Variants in FNDC3B observed in about 807,000 individuals in gnomAD.
The protein encoded by FNDC3B is fibronectin type III domain containing 3B, also known as fibronectin type III domain-containing protein 3B.
Under a neutral mutation model 151.5 loss-of-function variants are expected in FNDC3B, and 12 were observed. The observed-to-expected ratio is 0.08, with a 90% CI of 0.05 to 0.13. The LOEUF (loss-of-function observed/expected upper bound fraction) is 0.13, where lower values mean the gene tolerates loss of function less well. FNDC3B is among the 10% of genes least tolerant of loss of function. The pLI is 1.00. For synonymous variants in FNDC3B, 528 were observed against 549.0 expected (o/e 0.96, Z 0.54); for missense variants, 1,214 against 1,505.3 (o/e 0.81, Z 3.20).
chr3:172,386,755 A>T (rs1328191188), intron 25 of FNDC3B, among the ~76,000 whole-genome samples: 1 of 148,992 alleles, frequency 6.7e-6, no homozygotes, highest in Non-Finnish European at 1.5e-5. Flanking sequence ...AAAGAAAAAA[A>T]AAAGAAAAAA....
intron 9 of FNDC3B, among the ~76,000 whole-genome samples, chr3:172,305,945 T>TG (rs1316484458): frequency 6.6e-6 from 1 of 152,248 alleles, no homozygotes. Context: ...CATCAGGGGT[T>TG]GGGTGGAGAG....
intron 3 of FNDC3B, among the ~76,000 whole-genome samples, chr3:172,202,853 C>A (rs1725227711): frequency 6.6e-6 from 1 of 152,244 alleles, no homozygotes; most frequent in South Asian, 2.1e-4. Flanking sequence ...ATTACTTGAG[C>A]CTTTTTAATA....
At chr3:172,079,913 G>A (rs765395767) in intron 1 of FNDC3B, among the ~76,000 whole-genome samples, 6 of 151,928 alleles carry the variant, frequency 3.9e-5, no homozygotes, top group Non-Finnish European at 7.4e-5. Context: ...ATGAGGCTGC[G>A]TAACATCTCA....
At chr3:172,203,448 G>A (rs1368822597) in intron 3 of FNDC3B, among the ~76,000 whole-genome samples, 1 of 152,140 alleles carries the variant, frequency 6.6e-6, no homozygotes, top group African/African-American at 2.4e-5. Context: ...TGAAATTTTG[G>A]TATAACAGAA....
intron 3 of FNDC3B, among the ~76,000 whole-genome samples, chr3:172,175,339 CT>C (rs369130031): frequency 2.2e-3 from 329 of 152,140 alleles, no homozygotes; most frequent in African/African-American, 7.4e-3. Flanking sequence ...CTTTTAAGTG[CT>C]TTTTTTCCTC....
At chr3:172,349,789 G>A (rs532301106) in intron 21 of FNDC3B, among the ~76,000 whole-genome samples, 84 of 152,088 alleles carry the variant, frequency 5.5e-4, no homozygotes, top group African/African-American at 2.0e-3. Flanking sequence ...CCGAGTAGCC[G>A]GGATTACAGG....
Position 172,145,906 on chromosome 3 carries a change from C to T in FNDC3B, c.187+12360C>T, listed in dbSNP as rs189711865. 1.0e-3 allele frequency among the ~76,000 whole-genome samples: 152 copies of T among 149,130 alleles called. 1 individual carries two copies. Among genetic ancestry groups the T allele is most frequent in the Admixed American group, 3.2e-3 (48 of 14,996 alleles). ...TCGGCTCACTGCAACCTCCGCCACC[C>T]GGGTTTAAGCGATTCTCCTGCCTCA... On this transcript the variant is annotated intron_variant, in intron 3 of 25. Transcript: ENST00000415807.
chr3:172,209,124 G>A (rs1725588250), intron 3 of FNDC3B, among the ~76,000 whole-genome samples: 1 of 152,072 alleles, frequency 6.6e-6, no homozygotes, highest in Non-Finnish European at 1.5e-5. Flanking sequence ...GCAGTGAGCG[G>A]GGGTGGGGGT....
At chr3:172,120,684 G>C (rs1720496354) in intron 2 of FNDC3B, among the ~76,000 whole-genome samples, 1 of 151,984 alleles carries the variant, frequency 6.6e-6, no homozygotes, top group African/African-American at 2.4e-5. Flanking sequence ...GGATTTTTCT[G>C]TTTAATTGGA....
intron 2 of FNDC3B, among the ~76,000 whole-genome samples, chr3:172,126,070 C>A (rs1298913318): frequency 6.6e-6 from 1 of 152,082 alleles, no homozygotes; most frequent in Non-Finnish European, 1.5e-5. Context: ...TGAGTTAGTT[C>A]ATTTACCACC....
chr3:172,340,546 A>T (rs1733250847), intron 16 of FNDC3B, among the ~76,000 whole-genome samples: 1 of 152,146 alleles, frequency 6.6e-6, no homozygotes, highest in African/African-American at 2.4e-5. Context: ...TCGGCCTCCT[A>T]AAGTGCTGGG....
At chr3:172,061,585 C>T (rs929313980) in intron 1 of FNDC3B, among the ~76,000 whole-genome samples, 5 of 152,086 alleles carry the variant, frequency 3.3e-5, no homozygotes, top group South Asian at 2.1e-4. Flanking sequence ...CTTTGCAAGC[C>T]GTTTTGAAGC....
chr3:172,247,551 G>A lies in FNDC3B; in HGVS notation c.283G>A (p.Gly95Arg). ...TCTTTAGGTGATTGAAGATAGTACT[G>A]GAGTCCGCCGGGTGGTGGTCACACC... ...YISQVIEDST[G>R]VRRVVVTPQS... Residue 95 changes from glycine (G) to arginine (R), a missense_variant, in exon 5 of 26, where the codon GGA (glycine) becomes AGA (arginine). Gly to Arg is a moderately radical substitution (Grantham distance 125, BLOSUM62 -2). Coordinates refer to ENST00000415807, the MANE Select transcript of FNDC3B (RefSeq NM_022763.4). The A allele has an allele frequency of 2.5e-6, 4 of 1,613,966 alleles. No homozygotes were observed. Among genetic ancestry groups the A allele is most frequent in the Non-Finnish European group, 3.4e-6 (4 of 1,179,964 alleles).
Position 172,352,312 on chromosome 3 carries a change from T to C in FNDC3B, c.2515-491T>C, listed in dbSNP as rs1441088348. 6.6e-6 allele frequency among the ~76,000 whole-genome samples: 1 copy of C among 152,224 alleles called. No individual in the cohort carries two copies. Among genetic ancestry groups the C allele is most frequent in the Admixed American group, 6.5e-5 (1 of 15,290 alleles). ...ACTTCAGGGATGAGTTTATTATTCA[T>C]GTGGAAGATAGAAGATGCCTTTTCC... is the stretch of plus-strand genomic sequence containing the variant. On this transcript the variant is annotated intron_variant, in intron 21 of 25. Transcript: ENST00000415807. This position sits in a 1 kb window ranked among gnomAD's most constrained non-coding sequence, Gnocchi z 4.2.
intron 6 of FNDC3B, among the ~76,000 whole-genome samples, chr3:172,276,984 T>C (rs952970831): frequency 2.0e-5 from 3 of 152,226 alleles, no homozygotes; most frequent in Non-Finnish European, 2.9e-5. Flanking sequence ...GATTTTAATC[T>C]CAAATTTATT....
chr3:172,283,543 A>G (rs896292098), intron 6 of FNDC3B, among the ~76,000 whole-genome samples: 13 of 152,202 alleles, frequency 8.5e-5, no homozygotes, highest in Non-Finnish European at 1.5e-5. Context: ...TTGCCTTTCT[A>G]AGATAATCTA....
chr3:172,307,419 C>T lies in FNDC3B; in HGVS notation c.1118C>T (p.Thr373Ile). The change falls in exon 10 of 26, where the codon ACC (threonine) becomes ATC (isoleucine). Residue 373 changes from threonine to isoleucine, a missense_variant. Physicochemically the swap from Thr to Ile is moderately conservative, Grantham distance 89. Coordinates refer to ENST00000415807, the MANE Select transcript of FNDC3B (RefSeq NM_022763.4). The stretch of plus-strand genomic sequence containing the variant: ...TCCTGCTCCGAGCCTGTTAGCTTCA[C>T]CACCCACAGCTGTGCACCCGAGTGT... Reference protein sequence around the residue: ...KGSCSEPVSFTTHSCAPECPF... With the variant: ...KGSCSEPVSFITHSCAPECPF... 6.2e-7 allele frequency: 1 copy of T among 1,614,094 alleles called. No individual in the cohort carries two copies. Among genetic ancestry groups the T allele is most frequent in the Non-Finnish European group, 8.5e-7 (1 of 1,179,962 alleles).
At chr3:172,093,091 T>G (rs1488883394) in intron 1 of FNDC3B, among the ~76,000 whole-genome samples, 1 of 152,046 alleles carries the variant, frequency 6.6e-6, no homozygotes, top group Non-Finnish European at 1.5e-5. Flanking sequence ...GTGCTGGGAT[T>G]ACAGGCATGA....
intron 4 of FNDC3B, among the ~76,000 whole-genome samples, chr3:172,236,467 T>TTA (rs1727169887): frequency 6.6e-6 from 1 of 152,232 alleles, no homozygotes; most frequent in Non-Finnish European, 1.5e-5. Context: ...TGCCAAGTGT[T>TTA]TTATAAACTA....
Sources: gnomAD v4.1 joint callset for allele counts (sites outside exome capture counted in the v4.1 genomes callset) on GRCh38, gnomAD v4.1.1 for gene constraint, Gnocchi (gnomAD v3.1) non-coding constraint, MANE v1.5 for transcripts, NCBI Gene and HGNC (gene_info 2026-07-23, HGNC 2026-07-21) for gene names.